The following TAF1B variants were observed in gnomAD, a reference collection of about 807,000 sequenced individuals.
TAF1B encodes the protein TATA box-binding protein-associated factor RNA polymerase I subunit B.
TAF1B carries 61 observed loss-of-function variants against 83.9 expected under a neutral mutation model. The observed-to-expected ratio is 0.73, with a 90% confidence interval of 0.59 to 0.90. The LOEUF (loss-of-function observed/expected upper bound fraction) is 0.90. Ranked by LOEUF, TAF1B falls within the 40% of genes least tolerant of loss-of-function variation. The pLI, the probability that TAF1B is intolerant of heterozygous loss-of-function variation, is 0.00. For missense variants in TAF1B, 625 were observed against 677.0 expected (o/e 0.92, Z 0.85); for synonymous variants, 221 against 224.6 (o/e 0.98, Z 0.14).
At chr2:9,843,886 C>A in intron 1 of TAF1B, 4 of 195,220 alleles carry the variant, frequency 2.0e-5, no homozygotes, top group Non-Finnish European at 3.1e-5. Flanking sequence ...CTGGACCACC[C>A]ACAAGTTCCC....
intron 7 of TAF1B, among the ~76,000 whole-genome samples, chr2:9,878,315 AGCCTCCTACCTTG>A (rs1558245770): frequency 2.0e-5 from 3 of 151,820 alleles, no homozygotes; most frequent in African/African-American, 7.3e-5. Context: ...GCCTCAAGCA[AGCCTCCTACCTTG>A]GCCTCCTGCC....
chr2:9,897,911 C>G (rs1461394743), intron 8 of TAF1B, among the ~76,000 whole-genome samples: 2 of 151,960 alleles, frequency 1.3e-5, no homozygotes, highest in Non-Finnish European at 2.9e-5. Flanking sequence ...TCTACTCTTC[C>G]CTCCCAGACA....
At chr2:9,886,800 C>T (rs769507415) in intron 8 of TAF1B, among the ~76,000 whole-genome samples, 10 of 152,216 alleles carry the variant, frequency 6.6e-5, no homozygotes, top group African/African-American at 2.2e-4. Context: ...GGCGCAGTGG[C>T]TTACGCCTGT....
At chr2:9,922,998 C>G (rs1194074026) in intron 14 of TAF1B, among the ~76,000 whole-genome samples, 1 of 152,142 alleles carries the variant, frequency 6.6e-6, no homozygotes, top group African/African-American at 2.4e-5. Flanking sequence ...AATCCTAGCA[C>G]TTAGGGAGGC....
At position 9,934,011 on chromosome 2, in the gene TAF1B, A is replaced by G. The variant is rs775722067; in HGVS notation, c.*27A>G. 1 of 1,521,496 alleles carries G rather than the reference A, an allele frequency of 6.6e-7. No individual in the cohort carries two copies. The highest frequency in any genetic ancestry group is 2.1e-5 in the Admixed American group (1 of 48,754). The allele number at this position is 1,521,496 out of a possible 1,614,324, so 94.2% of individuals were successfully genotyped here. A position where few individuals can be genotyped will look rare whatever the true frequency, so the allele number is the denominator to read the frequency against. On this transcript the variant is annotated 3_prime_UTR_variant, in exon 15 of 15. Transcript: ENST00000263663. Reference sequence around the variant, plus strand: ...AAAATGAAATAGAAACTTTCTGGAAAAATATTTTAATAGTGATAATAACAT... The same window carrying G: ...AAAATGAAATAGAAACTTTCTGGAAGAATATTTTAATAGTGATAATAACAT...
chr2:9,898,998 G>T, intron 8 of TAF1B, among the ~76,000 whole-genome samples: 1 of 145,146 alleles, frequency 6.9e-6, no homozygotes, highest in Admixed American at 6.9e-5. Flanking sequence ...TACTTTTTTT[G>T]GTGGCAAAAT....
rs557314283 is a variant in TAF1B, at chr2:9,882,553, A to G, written c.708-153A>G. Among the ~76,000 whole-genome samples the G allele has an allele frequency of 3.9e-5, 6 of 152,346 alleles. No individual in the cohort carries two copies. In the South Asian group the frequency reaches 1.0e-3, roughly 26 times the overall value. ...CATATGGGTAAAGAGAATAATAGAT[A>G]TGATTAGATTTATTATCCTTAAAAT... On this transcript the variant is annotated intron_variant, in intron 7 of 14. Transcript: ENST00000263663.
At chr2:9,900,786 G>C (rs1351676555) in intron 8 of TAF1B, among the ~76,000 whole-genome samples, 1 of 152,074 alleles carries the variant, frequency 6.6e-6, no homozygotes, top group Non-Finnish European at 1.5e-5. Context: ...TTTGCGACAG[G>C]GTAAGGAACA....
chr2:9,878,374 C>T (rs1049233960), intron 7 of TAF1B, among the ~76,000 whole-genome samples: 1 of 152,126 alleles, frequency 6.6e-6, no homozygotes, highest in Non-Finnish European at 1.5e-5. Context: ...TGTCATGAGC[C>T]ACCATGCCTG....
intron 6 of TAF1B, among the ~76,000 whole-genome samples, chr2:9,871,550 G>C (rs575974666): frequency 6.6e-6 from 1 of 152,042 alleles, no homozygotes; most frequent in East Asian, 1.9e-4. Context: ...TGATTGTTTT[G>C]GCCTCTGCTT....
intron 1 of TAF1B, 86 bp from the exon 2 acceptor site, chr2:9,845,134 A>C: frequency 1.1e-6 from 1 of 877,908 alleles, no homozygotes; most frequent in South Asian, 1.7e-5. Context: ...GTTGCCAGGA[A>C]CCCATTAAAT....
intron 4 of TAF1B, among the ~76,000 whole-genome samples, chr2:9,853,668 A>T (rs547909176): frequency 6.6e-6 from 1 of 152,056 alleles, no homozygotes; most frequent in East Asian, 1.9e-4. Flanking sequence ...AGGTCTCACC[A>T]TGTTGCCCAG....
chr2:9,855,197 G>T (rs1372958971), intron 5 of TAF1B, among the ~76,000 whole-genome samples: 1 of 152,150 alleles, frequency 6.6e-6, no homozygotes, highest in Non-Finnish European at 1.5e-5. Flanking sequence ...GTTTCACCAT[G>T]TTAGCCAGGC....
intron 9 of TAF1B, among the ~76,000 whole-genome samples, chr2:9,908,974 A>G (rs1189341555): frequency 6.6e-6 from 1 of 152,240 alleles, no homozygotes; most frequent in Non-Finnish European, 1.5e-5. Flanking sequence ...TTGGAAGAAT[A>G]AAAGCCAAGT....
At chr2:9,903,897 A>G (rs1338605320) in intron 8 of TAF1B, among the ~76,000 whole-genome samples, 1 of 152,220 alleles carries the variant, frequency 6.6e-6, no homozygotes, top group East Asian at 1.9e-4. Flanking sequence ...TTAAGAGCCA[A>G]ATAGAATTTT....
chr2:9,905,830 CATAT>C (rs33926842), intron 9 of TAF1B, among the ~76,000 whole-genome samples: 13 of 151,818 alleles, frequency 8.6e-5, no homozygotes, highest in Non-Finnish European at 1.8e-4. Flanking sequence ...TATGTAGTAA[CATAT>C]ATAAATGTAA....
intron 5 of TAF1B, among the ~76,000 whole-genome samples, chr2:9,866,992 C>T (rs998440962): frequency 1.3e-5 from 2 of 151,902 alleles, no homozygotes; most frequent in Admixed American, 6.6e-5. Context: ...TGCTAAATGA[C>T]GAGTTAATGG....
At chr2:9,851,674 A>G in intron 4 of TAF1B, 36 bp downstream of exon 4, 2 of 1,551,058 alleles carry the variant, frequency 1.3e-6, no homozygotes, top group African/African-American at 2.7e-5. Flanking sequence ...AGCTTTACAT[A>G]TTTTTGTTTA....
chr2:9,887,013 C>T lies in TAF1B; in HGVS notation c.807+4208C>T, dbSNP rs528021558. ...CCAGGAAGCGGAGGTTGCAGTGAGC[C>T]GAGATTGTGCCACTGCACTCCAGCC... On this transcript the variant is annotated intron_variant, in intron 8 of 14. Coordinates refer to ENST00000263663, the MANE Select transcript of TAF1B (RefSeq NM_005680.3). Among the ~76,000 whole-genome samples the T allele has an allele frequency of 3.9e-5, 6 of 152,000 alleles. No individual in the cohort carries two copies. In the East Asian group the frequency reaches 7.7e-4, roughly 20 times the overall value.
Sources: gnomAD v4.1 joint callset for allele counts (sites outside exome capture counted in the v4.1 genomes callset) on GRCh38, gnomAD v4.1.1 for gene constraint, MANE v1.5 for transcripts, NCBI Gene and HGNC (gene_info 2026-07-23, HGNC 2026-07-21) for gene names.